HERC1: variants seen among roughly 807,000 people sequenced by gnomAD.
HERC1 encodes the protein probable E3 ubiquitin-protein ligase HERC1.
In HERC1, 160 loss-of-function variants were observed where a neutral mutation model predicts 554.3. The ratio of observed to expected loss-of-function variants is 0.29; its 90% CI spans 0.25 to 0.33. HERC1 has a LOEUF of 0.33. Among genes scored for constraint, HERC1 ranks in the 10% least tolerant of loss-of-function variants. The pLI, the probability that HERC1 is intolerant of heterozygous loss-of-function variation, is 1.00. For missense variants in HERC1, 4,919 were observed against 5,918.5 expected, an observed-to-expected ratio of 0.83 and a Z score of 5.54; for synonymous variants, 2,175 against 2,131.7, an observed-to-expected ratio of 1.02 and a Z score of -0.56.
At chr15:63,722,016 A>G (rs894166172) in intron 19 of HERC1, among the ~76,000 whole-genome samples, 3 of 152,126 alleles carry the variant, frequency 2.0e-5, no homozygotes, top group Non-Finnish European at 4.4e-5. Context: ...ACACGCCTCC[A>G]TGACCAGCTA....
chr15:63,762,457 G>A (rs1425049068), intron 3 of HERC1, among the ~76,000 whole-genome samples: 1 of 152,046 alleles, frequency 6.6e-6, no homozygotes, highest in Non-Finnish European at 1.5e-5. Flanking sequence ...CTGAGTAGCT[G>A]GGATTACAGA....
intron 24 of HERC1, among the ~76,000 whole-genome samples, chr15:63,712,268 CAG>C (rs2073337305): frequency 6.6e-6 from 1 of 152,118 alleles, no homozygotes; most frequent in Non-Finnish European, 1.5e-5. Context: ...AAGTTTAAAA[CAG>C]AGCAGTGGCA....
At chr15:63,628,582 G>A (rs978664315) in intron 70 of HERC1, 95 bp downstream of exon 70, 20 of 1,286,832 alleles carry the variant, frequency 1.6e-5, no homozygotes, top group African/African-American at 9.0e-5. Flanking sequence ...GTTTCACAAC[G>A]ATGCTGGATA....
chr15:63,641,157 G>A (rs2069037709), intron 60 of HERC1, among the ~76,000 whole-genome samples: 1 of 152,152 alleles, frequency 6.6e-6, no homozygotes, highest in Admixed American at 6.6e-5. Flanking sequence ...AGATATATGT[G>A]TGGGTCAGAA....
At chr15:63,611,035 G>A (rs2067564907) in intron 77 of HERC1, among the ~76,000 whole-genome samples, 1 of 152,210 alleles carries the variant, frequency 6.6e-6, no homozygotes, top group African/African-American at 2.4e-5. Flanking sequence ...TCTTGGAGGA[G>A]ATGACTGGCA....
intron 50 of HERC1, among the ~76,000 whole-genome samples, 176 bp from the exon 51 acceptor site, chr15:63,654,500 C>A (rs937308586): frequency 2.6e-5 from 4 of 152,110 alleles, no homozygotes; most frequent in African/African-American, 9.7e-5. Context: ...AAAATATGCA[C>A]ACAAGAAATA....
chr15:63,705,343 A>G (rs1184564335), intron 25 of HERC1, among the ~76,000 whole-genome samples: 1 of 151,678 alleles, frequency 6.6e-6, no homozygotes, highest in African/African-American at 2.4e-5. Context: ...TGGCAGAGAC[A>G]GGGGTCTCAC....
At chr15:63,824,352 T>C (rs1054126081) in intron 1 of HERC1, among the ~76,000 whole-genome samples, 1 of 151,808 alleles carries the variant, frequency 6.6e-6, no homozygotes, top group Non-Finnish European at 1.5e-5. Flanking sequence ...GCTAACACAG[T>C]GAAACCCCAT....
chr15:63,623,484 T>C (rs2068173846), intron 73 of HERC1, among the ~76,000 whole-genome samples: 1 of 152,226 alleles, frequency 6.6e-6, no homozygotes, highest in Non-Finnish European at 1.5e-5. Flanking sequence ...ACACAACAGA[T>C]GGTGAGTCAT....
At chr15:63,737,163 A>G (rs1001779553) in intron 12 of HERC1, among the ~76,000 whole-genome samples, 1 of 151,632 alleles carries the variant, frequency 6.6e-6, no homozygotes, top group Non-Finnish European at 1.5e-5. Context: ...AAATCTCAAT[A>G]GAAGGGCTAG....
At chr15:63,717,709 A>T (rs2073622432) in intron 21 of HERC1, among the ~76,000 whole-genome samples, 1 of 152,094 alleles carries the variant, frequency 6.6e-6, no homozygotes, top group Admixed American at 6.6e-5. Flanking sequence ...CATGTCTACT[A>T]AAAATACAAA....
intron 63 of HERC1, among the ~76,000 whole-genome samples, chr15:63,638,181 A>C (rs2068871462): frequency 6.6e-6 from 1 of 152,230 alleles, no homozygotes; most frequent in Non-Finnish European, 1.5e-5. Context: ...CTAACACATC[A>C]TGATGTTAGT....
In HERC1 at chr15:63,631,832, C is replaced by T. The variant is rs190935644; in HGVS notation, c.12796+877G>A. Reference sequence around the variant, plus strand: ...CTGGGATTACAGGTGTGAGCCACGGCGCCCGGCCCTCCCAAGTCTTATTCC... The same window carrying T: ...CTGGGATTACAGGTGTGAGCCACGGTGCCCGGCCCTCCCAAGTCTTATTCC... On this transcript the variant is annotated intron_variant, in intron 68 of 77. Coordinates refer to ENST00000443617, the MANE Select transcript of HERC1 (RefSeq NM_003922.4). Among the ~76,000 whole-genome samples the T allele has an allele frequency of 7.2e-5, 11 of 152,296 alleles. No homozygotes were observed. The East Asian group carries it at 1.2e-3, about 16-fold the overall frequency.
chr15:63,676,902 T>G (rs1028135068), intron 37 of HERC1, among the ~76,000 whole-genome samples: 5 of 152,222 alleles, frequency 3.3e-5, no homozygotes, highest in African/African-American at 1.2e-4. Flanking sequence ...AATGATACAA[T>G]TATGTAGAGT....
chr15:63,725,881 C>G (rs2074019200), intron 17 of HERC1, among the ~76,000 whole-genome samples: 1 of 152,122 alleles, frequency 6.6e-6, no homozygotes, highest in African/African-American at 2.4e-5. Flanking sequence ...ACAAATTTAT[C>G]CATTAAAATG....
intron 1 of HERC1, among the ~76,000 whole-genome samples, chr15:63,833,112 A>G (rs1953776199): frequency 6.6e-6 from 1 of 152,298 alleles, no homozygotes; most frequent in Admixed American, 6.5e-5. Context: ...ATCACAGAAC[A>G]GATTTCACCA....
At position 63,674,812 on chromosome 15, in the gene HERC1, G is replaced by A; in HGVS notation, c.7376C>T (p.Ser2459Leu). The stretch of plus-strand genomic sequence containing the variant: ...AGAAAATGAAGCGATTTCATTTTCT[G>A]ATTTGGAGCTTGTGGTACTCTGACT... ...VKSQSTTSSK[S>L]ENEIASFSLD... Residue 2459 changes from serine to leucine, a missense_variant, in exon 38 of 78, where the codon TCA (serine) becomes TTA (leucine). By Grantham distance (145) the Ser-to-Leu change is moderately radical. This residue lies in a region of HERC1 where 1,963 missense variants were observed against 2,228.6 expected (regional missense o/e 0.88). Coordinates refer to ENST00000443617, the MANE Select transcript of HERC1 (RefSeq NM_003922.4). 1 of 1,613,886 alleles carries A rather than the reference G, an allele frequency of 6.2e-7. No individual in the cohort carries two copies. Among genetic ancestry groups the A allele is most frequent in the Non-Finnish European group, 8.5e-7 (1 of 1,179,838 alleles).
chr15:63,666,210 A>C, intron 41 of HERC1, 60 bp from the exon 42 acceptor site: 1 of 1,462,640 alleles, frequency 6.8e-7, no homozygotes, highest in African/African-American at 1.4e-5. Flanking sequence ...TCTTTATGTT[A>C]TAAGAGTGTT....
chr15:63,681,612 G>A (rs924462488), intron 34 of HERC1, among the ~76,000 whole-genome samples: 2 of 151,868 alleles, frequency 1.3e-5, no homozygotes, highest in Non-Finnish European at 2.9e-5. Context: ...CTTCCCCTAC[G>A]TGATAAAGGT....
Sources: allele counts gnomAD v4.1 joint callset (sites outside exome capture counted in the v4.1 genomes callset), GRCh38; gene constraint gnomAD v4.1.1; regional missense constraint gnomAD v4.1.1; transcripts MANE v1.5; gene names NCBI Gene and HGNC (gene_info 2026-07-23, HGNC 2026-07-21).